TMC6: variants seen among roughly 807,000 people sequenced by gnomAD.
TMC6 encodes the protein transmembrane channel-like protein 6.
In TMC6, 71 loss-of-function variants were observed where a neutral mutation model predicts 95.4. The observed-to-expected ratio is 0.74, with a 90% CI of 0.61 to 0.91. The LOEUF (loss-of-function observed/expected upper bound fraction) is 0.91, where lower values mean the gene tolerates loss of function less well. TMC6 is among the 40% of genes least tolerant of loss of function. The pLI is 0.00. For missense variants in TMC6, 1,074 were observed against 1,079.1 expected, an observed-to-expected ratio of 1.00 and a Z score of 0.07; for synonymous variants, 514 against 483.1, an observed-to-expected ratio of 1.06 and a Z score of -0.84.
Position 78,121,180 on chromosome 17 carries a change from G to A in TMC6, c.1384-16C>T. The A allele has an allele frequency of 6.4e-7, 1 of 1,572,326 alleles. No homozygotes were observed. Among genetic ancestry groups the A allele is most frequent in the Non-Finnish European group, 8.6e-7 (1 of 1,159,834 alleles). ...CCTCTGGACTCTGCAGGGGTGCAGGGAGCGGTGTCATGGAAGCCCCCCATC... is the reference window on the plus strand; with the variant it reads ...CCTCTGGACTCTGCAGGGGTGCAGGAAGCGGTGTCATGGAAGCCCCCCATC... On this transcript the variant is annotated splice_polypyrimidine_tract_variant and intron_variant, in intron 11 of 19. Transcript: ENST00000590602. The surrounding 1 kb of genome is among the most constrained non-coding windows in gnomAD (Gnocchi z 5.6).
At chr17:78,117,217 T>A in intron 18 of TMC6, 52 bp downstream of exon 18, 3 of 1,591,456 alleles carry the variant, frequency 1.9e-6, no homozygotes, top group Non-Finnish European at 2.6e-6. Flanking sequence ...AGCGTCACCC[T>A]CAGGTGACCT....
chr17:78,122,695 G>A lies in TMC6; in HGVS notation c.1137C>T (p.His379=), dbSNP rs747182769. Residue 379 remains histidine, a synonymous_variant, in exon 10 of 20, where the codon CAC becomes CAT. Coordinates refer to ENST00000590602, the MANE Select transcript of TMC6 (RefSeq NM_001127198.5). The surrounding 1 kb of genome is among the most constrained non-coding windows in gnomAD (Gnocchi z 4.9). ...CCCAGGAGCAGAAGACGGTGATGGC[G>A]TGGATGCCAGAGGTGCTGCCCACCC... is the stretch of plus-strand genomic sequence containing the variant. The part of the protein sequence containing the change: ...SYRVGSTSGI[H]AITVFCSWDY... 53 of 1,611,524 alleles carry A rather than the reference G, an allele frequency of 3.3e-5. No individual in the cohort carries two copies. In the South Asian group the frequency reaches 3.3e-4, roughly 10 times the overall value.
chr17:78,109,910 T>C lies in TMC6; in HGVS notation c.*3238A>G, dbSNP rs2073791520. ...GGAGAAACCCTGTCTCTACTAAAAATACAAAATTAGCTGGGCATGGTAGCA... is the reference window on the plus strand; with the variant it reads ...GGAGAAACCCTGTCTCTACTAAAAACACAAAATTAGCTGGGCATGGTAGCA... On this transcript the variant is annotated 3_prime_UTR_variant, in exon 20 of 20. Transcript: ENST00000590602. 4.2e-6 allele frequency: 1 copy of C among 240,676 alleles called. No individual in the cohort carries two copies. The highest frequency in any genetic ancestry group is 5.2e-5 in the Admixed American group (1 of 19,238). The allele number at this position is 240,676 out of a possible 1,614,324, so 14.9% of individuals were successfully genotyped here. A position where few individuals can be genotyped will look rare whatever the true frequency, so the allele number is the denominator to read the frequency against.
At position 78,112,299 on chromosome 17, in the gene TMC6, G is replaced by C. The variant is rs563912351; in HGVS notation, c.*849C>G. On this transcript the variant is annotated 3_prime_UTR_variant, in exon 20 of 20. Transcript: ENST00000590602. ...TGGTCCCCGCAGACCTGGAGCCCTG[G>C]GCTGTCATGGGCTGGTCCCTGCAGA... The C allele has an allele frequency of 4.1e-6, 1 of 245,574 alleles. No individual in the cohort carries two copies. Among genetic ancestry groups the C allele is most frequent in the African/African-American group, 2.4e-5 (1 of 42,034 alleles). The allele number at this position is 245,574 out of a possible 1,614,324, so 15.2% of individuals were successfully genotyped here.
Position 78,128,033 on chromosome 17 carries a change from G to A in TMC6, c.-75+579C>T, listed in dbSNP as rs961007245. Among the ~76,000 whole-genome samples the A allele has an allele frequency of 2.6e-5, 4 of 152,230 alleles. No individual in the cohort carries two copies. The highest frequency in any genetic ancestry group is 2.6e-4 in the Admixed American group (4 of 15,278). On this transcript the variant is annotated intron_variant, in intron 1 of 19. Transcript: ENST00000590602. The surrounding 1 kb of genome is among the most constrained non-coding windows in gnomAD (Gnocchi z 4.0). ...AGCTGGAATCCCTTCCTCCAGACAG[G>A]CCCTTCTAAGCTCAGGGAACCCGGG... is the stretch of plus-strand genomic sequence containing the variant.
chr17:78,119,053 AG>A lies in TMC6; in HGVS notation c.1812-8del. 1 of 1,574,112 alleles carries A rather than the reference AG, an allele frequency of 6.4e-7. No homozygotes were observed. Among genetic ancestry groups the A allele is most frequent in the Non-Finnish European group, 8.6e-7 (1 of 1,159,286 alleles). On this transcript the variant is annotated splice_region_variant and splice_polypyrimidine_tract_variant and intron_variant, in intron 14 of 19. Transcript: ENST00000590602. ...CGAGAAGAGCACCCCCAGCCTGGGG[AG>A]GGGGTGGCAGTTCAGGGGCTGCTCC...
intron 4 of TMC6, 91 bp downstream of exon 4, chr17:78,126,185 AG>A (rs1312321598): frequency 8.7e-6 from 13 of 1,491,116 alleles, no homozygotes; most frequent in Non-Finnish European, 1.2e-5. Flanking sequence ...GCCACTACCC[AG>A]GGAGATGCCT....
Position 78,110,843 on chromosome 17 carries a change from C to T in TMC6, c.*2305G>A, listed in dbSNP as rs2073811151. 1 of 152,334 alleles carries T rather than the reference C, an allele frequency of 6.6e-6. No individual in the cohort carries two copies. Among genetic ancestry groups the T allele is most frequent in the Admixed American group, 6.5e-5 (1 of 15,280 alleles). The allele number at this position is 152,334 out of a possible 1,614,324, so 9.4% of individuals were successfully genotyped here. A position where few individuals can be genotyped will look rare whatever the true frequency, so the allele number is the denominator to read the frequency against. On this transcript the variant is annotated 3_prime_UTR_variant, in exon 20 of 20. Coordinates refer to ENST00000590602, the MANE Select transcript of TMC6 (RefSeq NM_001127198.5). ...AGGTCACAGAACATGCCCCAGGGCA[C>T]CCAGGGACACACTGAAGCCCAGGCC...
chr17:78,130,431 A>G (rs2074933002), upstream of TMC6, among the ~76,000 whole-genome samples: 1 of 152,188 alleles, frequency 6.6e-6, no homozygotes, highest in African/African-American at 2.4e-5. Context: ...CTGCCTATCC[A>G]GGCTGGAAGG....
intron 14 of TMC6, 23 bp from the exon 15 acceptor site, chr17:78,119,069 G>T: frequency 6.4e-7 from 1 of 1,563,740 alleles, no homozygotes; most frequent in Non-Finnish European, 8.7e-7. Context: ...TGGCAGTTCA[G>T]GGGCTGCTCC....
chr17:78,126,145 C>G, intron 4 of TMC6, 132 bp downstream of exon 4: 1 of 1,334,784 alleles, frequency 7.5e-7, no homozygotes, highest in Non-Finnish European at 1.0e-6. Context: ...TAGGAGCCCG[C>G]CCTGGGCCTG....
rs761016417 is a variant in TMC6, at chr17:78,126,642, G to A, written c.63C>T (p.Gly21=). ...VPETPGDQGQ[G]PSPYDESEVH... ...CTTCGCTTTCATCATAGGGGCTGGG[G>A]CCCTGGCTGCAGAGGGGGTTGGCGG... The change falls in exon 3 of 20, where the codon GGC becomes GGT. Residue 21 remains glycine, a synonymous_variant. Coordinates refer to ENST00000590602, the MANE Select transcript of TMC6 (RefSeq NM_001127198.5). 3.7e-6 allele frequency: 6 copies of A among 1,613,234 alleles called. No individual in the cohort carries two copies. The highest frequency in any genetic ancestry group is 1.3e-5 in the African/African-American group (1 of 75,038).
In TMC6 at chr17:78,113,466, C is replaced by G. The variant is rs1598814594; in HGVS notation, c.2354+82G>C. The G allele has an allele frequency of 2.0e-6, 3 of 1,510,788 alleles. No individual in the cohort carries two copies. The Admixed American group carries it at 5.1e-5, about 26-fold the overall frequency. The allele number at this position is 1,510,788 out of a possible 1,614,324, so 93.6% of individuals were successfully genotyped here. ...AGTGTCAGCAATGTCGTGGTGTAGC[C>G]CCAGTGGCAGCCCTACTGTCCAGCC... On this transcript the variant is annotated intron_variant, in intron 19 of 19. Transcript: ENST00000590602.
intron 18 of TMC6, among the ~76,000 whole-genome samples, chr17:78,115,614 G>GAGGAGCGAAGGGAGTGGGCAC (rs879392856): frequency 0.017 from 2,361 of 140,260 alleles, 93 homozygotes; most frequent in Middle Eastern, 0.042. Context: ...CCTGGGCAGA[G>GAGGAGCGAAGGGAGTGGGCAC]AGGAGCGAAG....
At chr17:78,131,999 G>C, upstream of TMC6, 4 of 1,531,984 alleles carry the variant, frequency 2.6e-6, no homozygotes, top group South Asian at 4.8e-5. Flanking sequence ...GGGGCCTTGG[G>C]CTCTGGGAGG....
intron 5 of TMC6, 147 bp downstream of exon 5, chr17:78,125,579 C>T (rs535844293): frequency 9.4e-6 from 12 of 1,271,802 alleles, no homozygotes; most frequent in African/African-American, 7.4e-5. Flanking sequence ...TGCAGAGGGA[C>T]GGGGGGGCCT....
At position 78,118,894 on chromosome 17, in the gene TMC6, G is replaced by T. The variant is rs2748429; in HGVS notation, c.1887+77C>A. 666,471 of 1,475,938 alleles carry T rather than the reference G, an allele frequency of 0.45. 157,267 individuals are homozygous for T. The highest frequency in any genetic ancestry group is 0.72 in the African/African-American group (51,386 of 71,646). 91.4% of individuals were successfully genotyped at this position (1,475,938 alleles called of 1,614,324 possible). ...GGTGGGGAGGGTTCTAGTGTCCCAG[G>T]CTCTGCCCAGCTGAGTCCTGCCCCC... On this transcript the variant is annotated intron_variant, in intron 15 of 19. Coordinates refer to ENST00000590602, the MANE Select transcript of TMC6 (RefSeq NM_001127198.5).
rs539367609 is a variant in TMC6, at chr17:78,111,868, C to T, written c.*1280G>A. 2 of 208,474 alleles carry T rather than the reference C, an allele frequency of 9.6e-6. No homozygotes were observed. The highest frequency in any genetic ancestry group is 1.0e-4 in the South Asian group (2 of 19,868). 12.9% of individuals were successfully genotyped at this position (208,474 alleles called of 1,614,324 possible). A position where few individuals can be genotyped will look rare whatever the true frequency, so the allele number is the denominator to read the frequency against. ...AGCCCTGGGCTGTGACAGGCTGGTC[C>T]CCACAAGCCTGGAACCCTGCGCCGT... is the stretch of plus-strand genomic sequence containing the variant. On this transcript the variant is annotated 3_prime_UTR_variant, in exon 20 of 20. Coordinates refer to ENST00000590602, the MANE Select transcript of TMC6 (RefSeq NM_001127198.5).
chr17:78,127,254 C>T (rs185905509), intron 1 of TMC6, among the ~76,000 whole-genome samples: 5 of 152,286 alleles, frequency 3.3e-5, no homozygotes, highest in Admixed American at 2.6e-4. Context: ...GGTTCTGGCA[C>T]AGAGACACCT....
Sources: gnomAD v4.1 joint callset for allele counts (sites outside exome capture counted in the v4.1 genomes callset) on GRCh38, gnomAD v4.1.1 for gene constraint, Gnocchi (gnomAD v3.1) non-coding constraint, MANE v1.5 for transcripts, NCBI Gene and HGNC (gene_info 2026-07-23, HGNC 2026-07-21) for gene names.